Variants in FUT8 observed in about 807,000 individuals in gnomAD.
The protein encoded by FUT8 is fucosyltransferase 8, also known as alpha-(1,6)-fucosyltransferase.
In FUT8, 29 loss-of-function variants were observed where a neutral mutation model predicts 71.3. The observed-to-expected ratio is 0.41, with a 90% CI of 0.30 to 0.55. The LOEUF is 0.55. FUT8 is among the 20% of genes least tolerant of loss of function. FUT8 has a pLI of 0.34. For missense variants in FUT8, 544 were observed against 702.1 expected (o/e 0.77, Z 2.55); for synonymous variants, 254 against 239.3 (o/e 1.06, Z -0.57).
At chr14:65,555,380 C>A (rs1455010601) in intron 2 of FUT8, among the ~76,000 whole-genome samples, 1 of 152,044 alleles carries the variant, frequency 6.6e-6, no homozygotes, top group Non-Finnish European at 1.5e-5. Flanking sequence ...TTTTAGCTAC[C>A]CAGTATTTAA....
chr14:65,411,147 G>A (rs957124172), upstream of FUT8: 1 of 152,216 alleles, frequency 6.6e-6, no homozygotes, highest in Admixed American at 6.5e-5. Context: ...TCTCATGGGA[G>A]AGAGCATCCA....
chr14:65,690,977 C>T (rs370219490), intron 7 of FUT8, among the ~76,000 whole-genome samples: 3 of 144,978 alleles, frequency 2.1e-5, no homozygotes, highest in Non-Finnish European at 2.9e-5. Context: ...CTACCTGCCT[C>T]GGCCTCCCAA....
At chr14:65,544,530 G>A (rs1030955550) in intron 2 of FUT8, among the ~76,000 whole-genome samples, 3 of 152,068 alleles carry the variant, frequency 2.0e-5, no homozygotes, top group Non-Finnish European at 2.9e-5. Flanking sequence ...TTTTTCAGCA[G>A]TATTAATTTA....
chr14:65,677,907 C>T (rs183621616), intron 7 of FUT8, among the ~76,000 whole-genome samples: 2 of 152,220 alleles, frequency 1.3e-5, no homozygotes, highest in African/African-American at 4.8e-5. Context: ...CTAAAGCAAT[C>T]AGAGACTTCA....
At chr14:65,411,242 A>T (rs1357561395), upstream of FUT8, 1 of 151,872 alleles carries the variant, frequency 6.6e-6, no homozygotes, top group Non-Finnish European at 1.5e-5. Context: ...CTGCTAGTAC[A>T]TCTTCTGTGT....
intron 3 of FUT8, among the ~76,000 whole-genome samples, chr14:65,597,399 C>A (rs969319533): frequency 3.3e-5 from 5 of 151,982 alleles, no homozygotes; most frequent in Non-Finnish European, 7.4e-5. Flanking sequence ...GAGGCCGAGG[C>A]GGGTGGATCA....
At chr14:65,700,450 G>T (rs1301311398) in intron 7 of FUT8, among the ~76,000 whole-genome samples, 1 of 129,926 alleles carries the variant, frequency 7.7e-6, no homozygotes, top group East Asian at 2.4e-4. Flanking sequence ...GAGTGCAGTG[G>T]CTCAATCTTG....
intron 2 of FUT8, among the ~76,000 whole-genome samples, chr14:65,541,629 C>T (rs914157553): frequency 6.6e-6 from 1 of 152,170 alleles, no homozygotes; most frequent in Admixed American, 6.5e-5. Flanking sequence ...GATGCCTGCT[C>T]ACATTGGTGA....
chr14:65,729,237 C>T (rs1394917118), intron 9 of FUT8, among the ~76,000 whole-genome samples: 3 of 151,904 alleles, frequency 2.0e-5, no homozygotes, highest in Non-Finnish European at 2.9e-5. Flanking sequence ...AGGCTGGTCT[C>T]GAACTCCTGG....
the FUT8 span, among the ~76,000 whole-genome samples, chr14:65,377,860 A>AT: frequency 6.6e-6 from 1 of 152,128 alleles, no homozygotes; most frequent in East Asian, 1.9e-4. Context: ...GAAGTTGGAA[A>AT]TTTTTGATAT....
the FUT8 span, among the ~76,000 whole-genome samples, chr14:65,402,801 A>C: frequency 6.6e-6 from 1 of 152,156 alleles, no homozygotes; most frequent in Non-Finnish European, 1.5e-5. Flanking sequence ...GCCCGCCTGG[A>C]GTATATTTTA....
intron 2 of FUT8, among the ~76,000 whole-genome samples, chr14:65,519,671 A>G (rs1475478227): frequency 1.3e-5 from 2 of 151,742 alleles, no homozygotes; most frequent in Non-Finnish European, 2.9e-5. Context: ...CTGTAAATGT[A>G]AAAGTGTTAT....
chr14:65,586,902 G>A (rs1221029775), intron 3 of FUT8, among the ~76,000 whole-genome samples: 1 of 152,090 alleles, frequency 6.6e-6, no homozygotes. Flanking sequence ...CTTTTAAAGA[G>A]TATGTGCTGG....
At chr14:65,631,774 T>C (rs1313338954) in intron 6 of FUT8, among the ~76,000 whole-genome samples, 1 of 152,124 alleles carries the variant, frequency 6.6e-6, no homozygotes, top group Non-Finnish European at 1.5e-5. Flanking sequence ...TAGTGGTGCT[T>C]GGTGAGATTT....
At chr14:65,708,163 G>T (rs1251338199) in intron 7 of FUT8, among the ~76,000 whole-genome samples, 1 of 152,166 alleles carries the variant, frequency 6.6e-6, no homozygotes, top group East Asian at 1.9e-4. Flanking sequence ...AATCATGGGG[G>T]TGGTTTCCCC....
chr14:65,638,788 T>C lies in FUT8; in HGVS notation c.597+9182T>C, dbSNP rs1018787974. Reference sequence around the variant, plus strand: ...TTGTATACTGACTCTGAGATCAAATTAATCATCACATATTCTTAGAGTTGT... The same window carrying C: ...TTGTATACTGACTCTGAGATCAAATCAATCATCACATATTCTTAGAGTTGT... On this transcript the variant is annotated intron_variant, in intron 6 of 10. Transcript: ENST00000673929. This position sits in a 1 kb window ranked among gnomAD's most constrained non-coding sequence, Gnocchi z 4.5. Among the ~76,000 whole-genome samples, 1 of 152,218 alleles carries C rather than the reference T, an allele frequency of 6.6e-6. No individual in the cohort carries two copies. The highest frequency in any genetic ancestry group is 1.5e-5 in the Non-Finnish European group (1 of 68,038).
intron 7 of FUT8, among the ~76,000 whole-genome samples, chr14:65,688,664 G>A (rs921634290): frequency 6.6e-6 from 1 of 151,646 alleles, no homozygotes; most frequent in African/African-American, 2.4e-5. Context: ...TAAATCTAAT[G>A]TAAATATTTG....
intron 3 of FUT8, among the ~76,000 whole-genome samples, chr14:65,571,766 TAA>T (rs1487450321): frequency 6.6e-6 from 1 of 152,124 alleles, no homozygotes; most frequent in Admixed American, 6.6e-5. Context: ...TACATGGAAG[TAA>T]AGTTTACATG....
intron 1 of FUT8, among the ~76,000 whole-genome samples, chr14:65,454,551 G>A (rs2065871665): frequency 6.6e-6 from 1 of 152,136 alleles, no homozygotes; most frequent in Non-Finnish European, 1.5e-5. Context: ...TTAAGTTGGT[G>A]ATATTGCTTT....
Sources: allele counts gnomAD v4.1 joint callset (sites outside exome capture counted in the v4.1 genomes callset), GRCh38; gene constraint gnomAD v4.1.1; non-coding constraint Gnocchi (gnomAD v3.1); transcripts MANE v1.5; gene names NCBI Gene and HGNC (gene_info 2026-07-23, HGNC 2026-07-21).